The following AMBRA1 variants were observed in gnomAD, a reference collection of about 807,000 sequenced individuals.
AMBRA1 encodes the protein activating molecule in BECN1-regulated autophagy protein 1.
AMBRA1 carries 47 observed loss-of-function variants against 125.4 expected under a neutral mutation model. The ratio of observed to expected loss-of-function variants is 0.37; its 90% CI spans 0.30 to 0.48. AMBRA1 has a LOEUF of 0.48. Among genes scored for constraint, AMBRA1 ranks in the 20% least tolerant of loss-of-function variants. AMBRA1 has a pLI of 0.99. For missense variants in AMBRA1, 1,331 were observed against 1,693.4 expected (o/e 0.79, Z 3.76); for synonymous variants, 626 against 655.5 (o/e 0.95, Z 0.69).
rs547954081 is a variant in AMBRA1, at chr11:46,406,909, G to A, written c.3403+1604C>T. Among the ~76,000 whole-genome samples, 3 of 151,178 alleles carry A rather than the reference G, an allele frequency of 2.0e-5. No homozygotes were observed. The South Asian group carries it at 6.3e-4, about 32-fold the overall frequency. On this transcript the variant is annotated intron_variant, in intron 17 of 17. Coordinates refer to ENST00000683756, the MANE Select transcript of AMBRA1 (RefSeq NM_001387011.1). ...AAAAATAAAAAAACAGGCCAGGCAC[G>A]GTGGCTCACGCCTTTAATCCCAGCA...
At chr11:46,399,790 T>C (rs1945642043) in intron 17 of AMBRA1, among the ~76,000 whole-genome samples, 1 of 152,216 alleles carries the variant, frequency 6.6e-6, no homozygotes, top group South Asian at 2.1e-4. Context: ...TGATGCCATA[T>C]TTCCCGGAAA....
intron 1 of AMBRA1, among the ~76,000 whole-genome samples, chr11:46,583,266 A>C (rs1254252073): frequency 2.0e-5 from 3 of 151,954 alleles, no homozygotes; most frequent in African/African-American, 7.3e-5. Flanking sequence ...TTCCCTATTT[A>C]ATAAATGGTG....
At chr11:46,473,348 A>C (rs955655522) in intron 11 of AMBRA1, among the ~76,000 whole-genome samples, 28 of 152,242 alleles carry the variant, frequency 1.8e-4, no homozygotes, top group African/African-American at 6.5e-4. Flanking sequence ...AAGCCTGTGT[A>C]CATCTGGTTT....
At chr11:46,520,098 C>T (rs1050861355) in intron 7 of AMBRA1, among the ~76,000 whole-genome samples, 1 of 149,698 alleles carries the variant, frequency 6.7e-6, no homozygotes, top group African/African-American at 2.5e-5. Context: ...AAGATGGCGC[C>T]ATTGCACTCC....
intron 7 of AMBRA1, among the ~76,000 whole-genome samples, chr11:46,524,628 T>C (rs1034042683): frequency 2.6e-5 from 4 of 152,216 alleles, no homozygotes; most frequent in Admixed American, 6.5e-5. Context: ...AAATCTCTTA[T>C]TTCACATGGT....
intron 11 of AMBRA1, among the ~76,000 whole-genome samples, chr11:46,460,337 T>C (rs1375166555): frequency 6.6e-6 from 1 of 152,058 alleles, no homozygotes; most frequent in Non-Finnish European, 1.5e-5. Context: ...TTTTTTTTTT[T>C]TTGAGACGGA....
intron 11 of AMBRA1, among the ~76,000 whole-genome samples, chr11:46,484,865 T>G (rs921562254): frequency 4.0e-5 from 6 of 151,584 alleles, no homozygotes; most frequent in African/African-American, 1.5e-4. Flanking sequence ...CAGGATGATC[T>G]CGATCTCCTG....
intron 11 of AMBRA1, among the ~76,000 whole-genome samples, chr11:46,471,598 C>T (rs779682243): frequency 2.1e-4 from 31 of 151,098 alleles, no homozygotes; most frequent in Non-Finnish European, 4.0e-4. Context: ...GCATTTCCCC[C>T]AAAAGGGTTA....
chr11:46,433,748 T>C, intron 13 of AMBRA1, 120 bp from the exon 14 acceptor site: 1 of 1,054,452 alleles, frequency 9.5e-7, no homozygotes, highest in Non-Finnish European at 1.4e-6. Context: ...ATCCTGGTGT[T>C]ATCTCATAGG....
At chr11:46,446,789 G>A (rs2136766085) in intron 11 of AMBRA1, among the ~76,000 whole-genome samples, 1 of 152,318 alleles carries the variant, frequency 6.6e-6, no homozygotes, top group East Asian at 1.9e-4. Flanking sequence ...TTTAACTCCA[G>A]GGTAGGTGCT....
intron 7 of AMBRA1, among the ~76,000 whole-genome samples, chr11:46,525,250 G>A (rs892894485): frequency 2.6e-5 from 4 of 152,158 alleles, no homozygotes; most frequent in Admixed American, 1.3e-4. Context: ...GCAGTGAGCT[G>A]AGATCATACC....
intron 1 of AMBRA1, among the ~76,000 whole-genome samples, chr11:46,574,806 T>G (rs953501963): frequency 3.3e-5 from 5 of 152,214 alleles, no homozygotes; most frequent in African/African-American, 1.2e-4. Context: ...GCTCTACCAT[T>G]TGCCAGCTGT....
intron 16 of AMBRA1, among the ~76,000 whole-genome samples, chr11:46,409,946 G>T (rs1946207094): frequency 6.6e-6 from 1 of 152,232 alleles, no homozygotes; most frequent in Non-Finnish European, 1.5e-5. Context: ...ATCTGGAAGA[G>T]CCTGGGCCAT....
At chr11:46,492,738 A>T (rs933437107) in intron 11 of AMBRA1, among the ~76,000 whole-genome samples, 6 of 152,200 alleles carry the variant, frequency 3.9e-5, no homozygotes, top group African/African-American at 1.4e-4. Context: ...AACATCTGTC[A>T]CTAAGCTATT....
At chr11:46,548,186 A>T in intron 2 of AMBRA1, 60 bp downstream of exon 2, 1 of 1,606,806 alleles carries the variant, frequency 6.2e-7, no homozygotes, top group South Asian at 1.1e-5. Context: ...AACCCATTCT[A>T]AGGTCTCATT....
At chr11:46,441,474 G>A (rs956008137) in intron 12 of AMBRA1, among the ~76,000 whole-genome samples, 5 of 151,908 alleles carry the variant, frequency 3.3e-5, no homozygotes, top group South Asian at 2.1e-4. Flanking sequence ...GAGATCATGC[G>A]ACTGCACCCC....
intron 8 of AMBRA1, among the ~76,000 whole-genome samples, chr11:46,509,425 C>T (rs952119959): frequency 6.6e-6 from 1 of 152,142 alleles, no homozygotes; most frequent in Middle Eastern, 3.2e-3. Flanking sequence ...CTGCCCCAGG[C>T]ACACTTGACT....
At chr11:46,428,502 C>T (rs1218898321) in intron 14 of AMBRA1, among the ~76,000 whole-genome samples, 5 of 152,102 alleles carry the variant, frequency 3.3e-5, no homozygotes, top group African/African-American at 9.7e-5. Context: ...GAAAAGCAAA[C>T]TACGCCTGGT....
intron 9 of AMBRA1, among the ~76,000 whole-genome samples, chr11:46,501,943 C>T (rs1164678441): frequency 6.6e-6 from 1 of 152,300 alleles, no homozygotes; most frequent in Admixed American, 6.5e-5. Context: ...TTGCCTTTCT[C>T]CTAAGTATAC....
Sources: allele counts gnomAD v4.1 joint callset (sites outside exome capture counted in the v4.1 genomes callset), GRCh38; gene constraint gnomAD v4.1.1; transcripts MANE v1.5; gene names NCBI Gene and HGNC (gene_info 2026-07-23, HGNC 2026-07-21).